Variants in DYSF observed in about 807,000 individuals in gnomAD.
The protein encoded by DYSF is dystrophy-associated fer-1-like 1.
DYSF carries 212 observed loss-of-function variants against 274.9 expected under a neutral mutation model. That is an observed-to-expected ratio of 0.77 (90% CI 0.69 to 0.86). DYSF has a LOEUF of 0.86. Ranked by LOEUF, DYSF falls within the 40% of genes least tolerant of loss-of-function variation. The pLI is 0.00. For synonymous variants in DYSF, 1,091 were observed against 1,078.7 expected, an observed-to-expected ratio of 1.01 and a Z score of -0.22; for missense variants, 2,666 against 2,783.2, an observed-to-expected ratio of 0.96 and a Z score of 0.95.
intron 43 of DYSF, among the ~76,000 whole-genome samples, chr2:71,656,862 G>C (rs1415787655): frequency 6.6e-6 from 1 of 152,126 alleles, no homozygotes; most frequent in Non-Finnish European, 1.5e-5. Flanking sequence ...GGGAATTCTG[G>C]GAGATACAAT....
chr2:71,556,494 G>A (rs1203165134), intron 22 of DYSF, among the ~76,000 whole-genome samples: 1 of 152,176 alleles, frequency 6.6e-6, no homozygotes, highest in East Asian at 1.9e-4. Flanking sequence ...GGAAAAAAGG[G>A]CCCGGGGTGT....
chr2:71,684,578 C>G (rs1417258557), intron 55 of DYSF, among the ~76,000 whole-genome samples: 1 of 152,208 alleles, frequency 6.6e-6, no homozygotes. Flanking sequence ...TGTGGATGAT[C>G]AAATGCTCTT....
intron 42 of DYSF, among the ~76,000 whole-genome samples, chr2:71,652,242 G>T (rs139386705): frequency 6.6e-6 from 1 of 152,168 alleles, no homozygotes. Context: ...CTGTGATCAC[G>T]TTCATGTTAT....
intron 24 of DYSF, among the ~76,000 whole-genome samples, chr2:71,567,236 G>C (rs17007070): frequency 0.044 from 6,727 of 152,304 alleles, 193 homozygotes; most frequent in African/African-American, 0.058. Flanking sequence ...AAAAAAAGCA[G>C]TTGAAGACCA....
intron 29 of DYSF, among the ~76,000 whole-genome samples, chr2:71,571,582 ATCACACCCAGCACACACAGC>A (rs2092457326): frequency 1.6e-5 from 2 of 125,934 alleles, no homozygotes; most frequent in Admixed American, 7.7e-5. Flanking sequence ...CCACACACAG[ATCACACCCAGCACACACAGC>A]TCACACCCAG....
chr2:71,629,559 T>C (rs977117452), intron 41 of DYSF, among the ~76,000 whole-genome samples: 4 of 152,192 alleles, frequency 2.6e-5, no homozygotes, highest in Admixed American at 6.5e-5. Flanking sequence ...TTAGAGAGGA[T>C]ATGTGTTTAC....
At chr2:71,519,735 C>G (rs1032082136) in intron 10 of DYSF, among the ~76,000 whole-genome samples, 2 of 151,632 alleles carry the variant, frequency 1.3e-5, no homozygotes, top group Admixed American at 6.6e-5. Flanking sequence ...ACCTCCAACT[C>G]CTGGGTTCAA....
At chr2:71,617,919 TG>T (rs1271563733) in intron 40 of DYSF, among the ~76,000 whole-genome samples, 41 of 91,720 alleles carry the variant, frequency 4.5e-4, no homozygotes, top group Non-Finnish European at 6.3e-4. Context: ...GAGGTGTGTG[TG>T]TGTGGTAGAG....
chr2:71,501,885 A>AT (rs1336815290), intron 3 of DYSF, among the ~76,000 whole-genome samples: 1 of 152,134 alleles, frequency 6.6e-6, no homozygotes, highest in African/African-American at 2.4e-5. Context: ...TAGGTCCCTG[A>AT]TTTCAATTTT....
intron 10 of DYSF, among the ~76,000 whole-genome samples, chr2:71,517,776 AT>A (rs1401293515): frequency 6.6e-6 from 1 of 152,202 alleles, no homozygotes; most frequent in Non-Finnish European, 1.5e-5. Context: ...CAAAAGGCTT[AT>A]TTAGTTTCTT....
At chr2:71,519,814 T>G (rs1013937352) in intron 10 of DYSF, among the ~76,000 whole-genome samples, 1 of 99,482 alleles carries the variant, frequency 1.0e-5, no homozygotes, top group Non-Finnish European at 2.2e-5. Flanking sequence ...CCGGCTAGTT[T>G]TTTTTTTTTT....
At chr2:71,527,794 T>C (rs1042993293) in intron 13 of DYSF, among the ~76,000 whole-genome samples, 2 of 152,136 alleles carry the variant, frequency 1.3e-5, no homozygotes, top group East Asian at 3.9e-4. Context: ...TATCTACATA[T>C]ATAAATAATC....
chr2:71,624,122 A>G lies in DYSF; in HGVS notation c.4527+3513A>G, dbSNP rs115343813. Among the ~76,000 whole-genome samples the G allele has an allele frequency of 7.4e-3, 1,121 of 152,322 alleles. 9 individuals carry two copies. The highest frequency in any genetic ancestry group is 0.026 in the African/African-American group (1,062 of 41,570). On this transcript the variant is annotated intron_variant, in intron 41 of 55. Coordinates refer to ENST00000410020, the MANE Select transcript of DYSF (RefSeq NM_001130987.2). ...CCTTAAATTAGTTTTCATAGATACAATGCCCTTCCTTTTTATATTCAAATT... is the reference window on the plus strand; with the variant it reads ...CCTTAAATTAGTTTTCATAGATACAGTGCCCTTCCTTTTTATATTCAAATT...
At chr2:71,626,523 A>G (rs1166659544) in intron 41 of DYSF, among the ~76,000 whole-genome samples, 1 of 151,728 alleles carries the variant, frequency 6.6e-6, no homozygotes, top group Admixed American at 6.6e-5. Context: ...TAATTACAGT[A>G]ATAAATATAT....
chr2:71,548,635 C>T (rs554223723), intron 17 of DYSF, among the ~76,000 whole-genome samples: 1 of 152,312 alleles, frequency 6.6e-6, no homozygotes, highest in South Asian at 2.1e-4. Flanking sequence ...TCCTTCCGTG[C>T]TTTTCTTATT....
chr2:71,622,130 G>GT (rs74263952), intron 41 of DYSF, among the ~76,000 whole-genome samples: 2,926 of 97,004 alleles, frequency 0.03, 121 homozygotes, highest in African/African-American at 0.086. Context: ...TGATTTCTTT[G>GT]TTTTTTTTTT....
intron 17 of DYSF, among the ~76,000 whole-genome samples, chr2:71,546,678 T>G (rs1187545923): frequency 6.6e-6 from 1 of 152,272 alleles, no homozygotes; most frequent in Non-Finnish European, 1.5e-5. Flanking sequence ...GCTCCATAAA[T>G]AGCACTTGTA....
intron 16 of DYSF, among the ~76,000 whole-genome samples, chr2:71,537,514 G>A (rs2089502562): frequency 6.6e-6 from 1 of 152,006 alleles, no homozygotes; most frequent in Non-Finnish European, 1.5e-5. Flanking sequence ...CCAAAGTGCT[G>A]GGATTATGGG....
chr2:71,605,411 C>T (rs1327886452), intron 36 of DYSF, among the ~76,000 whole-genome samples: 1 of 152,236 alleles, frequency 6.6e-6, no homozygotes, highest in Non-Finnish European at 1.5e-5. Flanking sequence ...CACACACATG[C>T]ACGCACACAC....
Sources: gnomAD v4.1 joint callset for allele counts (sites outside exome capture counted in the v4.1 genomes callset) on GRCh38, gnomAD v4.1.1 for gene constraint, MANE v1.5 for transcripts, NCBI Gene and HGNC (gene_info 2026-07-23, HGNC 2026-07-21) for gene names.